GALNTL6: variants seen among roughly 807,000 people sequenced by gnomAD.
GALNTL6 encodes polypeptide N-acetylgalactosaminyltransferase like 6, also known as polypeptide N-acetylgalactosaminyltransferase-like 6.
Under a neutral mutation model 73.7 loss-of-function variants are expected in GALNTL6, and 46 were observed. The observed-to-expected ratio is 0.62, with a 90% CI of 0.49 to 0.80. GALNTL6 has a LOEUF of 0.80. Among genes scored for constraint, GALNTL6 ranks in the 30% least tolerant of loss-of-function variants. The pLI is 0.00. For missense variants in GALNTL6, 604 were observed against 755.0 expected (o/e 0.80, Z 2.34); for synonymous variants, 259 against 263.7 (o/e 0.98, Z 0.17).
intron 10 of GALNTL6, among the ~76,000 whole-genome samples, chr4:172,988,038 T>A (rs1423245563): frequency 3.3e-5 from 5 of 152,150 alleles, no homozygotes; most frequent in Non-Finnish European, 7.4e-5. Context: ...TAAAGATACC[T>A]GAAAATGTGG....
At chr4:172,753,204 T>C (rs1021643737) in intron 5 of GALNTL6, among the ~76,000 whole-genome samples, 1 of 152,122 alleles carries the variant, frequency 6.6e-6, no homozygotes, top group African/African-American at 2.4e-5. Context: ...AGGCAAAAGC[T>C]CTCTTGCCTG....
In GALNTL6 at chr4:173,040,059, A is replaced by G. The variant is rs2126549111; in HGVS notation, c.1765A>G (p.Met589Val). 1.2e-6 allele frequency: 2 copies of G among 1,613,386 alleles called. No individual in the cohort carries two copies. Among genetic ancestry groups the G allele is most frequent in the African/African-American group, 1.3e-5 (1 of 75,000 alleles). ...GCAGTGGATTTTTGAACACATTAAT[A>G]TGACTGTTTTAGAAAAATTTAACCA... ...TQQWIFEHIN[M>V]TVLEKFNHHA... is the part of the protein sequence containing the mutation. Residue 589 changes from methionine (M) to valine (V), a missense_variant, in exon 13 of 13, where the codon ATG (methionine) becomes GTG (valine). Physicochemically the swap from Met to Val is conservative, Grantham distance 21. Transcript: ENST00000506823.
chr4:171,877,626 C>G (rs1316450343), intron 2 of GALNTL6, among the ~76,000 whole-genome samples: 1 of 150,156 alleles, frequency 6.7e-6, no homozygotes, highest in African/African-American at 2.4e-5. Context: ...ATGTATCACT[C>G]AAGTGAAAAA....
At chr4:172,094,511 A>G (rs1304109561) in intron 2 of GALNTL6, among the ~76,000 whole-genome samples, 1 of 152,120 alleles carries the variant, frequency 6.6e-6, no homozygotes, top group African/African-American at 2.4e-5. Flanking sequence ...GTACTTAGTG[A>G]TAACAGTCCT....
chr4:171,883,929 G>C (rs140298493), intron 2 of GALNTL6, among the ~76,000 whole-genome samples: 2,072 of 152,188 alleles, frequency 0.014, 43 homozygotes, highest in African/African-American at 0.047. Context: ...TTACAGGCGT[G>C]AGCCACCGCT....
chr4:173,041,170 T>G lies in GALNTL6; in HGVS notation c.*1070T>G, dbSNP rs1004412141. On this transcript the variant is annotated 3_prime_UTR_variant, in exon 13 of 13. Transcript: ENST00000506823. ...GAAGTGGTTTTATTTGTTCGTTTGT[T>G]TGGGTTTTGCTTTTGTTTTTTATTT... 1 of 151,808 alleles carries G rather than the reference T, an allele frequency of 6.6e-6. No homozygotes were observed. Among genetic ancestry groups the G allele is most frequent in the Non-Finnish European group, 1.5e-5 (1 of 67,964 alleles). The allele number at this position is 151,808 out of a possible 1,614,324, so 9.4% of individuals were successfully genotyped here.
chr4:172,346,576 T>C (rs1741747562), intron 4 of GALNTL6, among the ~76,000 whole-genome samples: 1 of 152,238 alleles, frequency 6.6e-6, no homozygotes, highest in Non-Finnish European at 1.5e-5. Context: ...AATAATCTTA[T>C]AGCACTCTAT....
chr4:172,683,395 A>G (rs17308958), intron 5 of GALNTL6, among the ~76,000 whole-genome samples: 5,388 of 152,314 alleles, frequency 0.035, 146 homozygotes, highest in Non-Finnish European at 0.059. Context: ...ACATTAAAAT[A>G]CTTTGGTCAC....
chr4:171,867,302 C>G (rs572558331), intron 2 of GALNTL6, among the ~76,000 whole-genome samples: 1 of 151,748 alleles, frequency 6.6e-6, no homozygotes, highest in Non-Finnish European at 1.5e-5. Context: ...ACAAAAGGGC[C>G]CTAAAGGTCA....
rs1464376918 is a variant in GALNTL6, at chr4:172,071,526, G to A, written c.139-158130G>A. 8.1e-5 allele frequency among the ~76,000 whole-genome samples: 9 copies of A among 110,630 alleles called. 4 individuals carry two copies. Among genetic ancestry groups the A allele is most frequent in the African/African-American group, 3.1e-4 (9 of 29,420 alleles). 72.6% of individuals were successfully genotyped at this position (110,630 alleles called of 152,430 possible). A position where few individuals can be genotyped will look rare whatever the true frequency, so the allele number is the denominator to read the frequency against. On this transcript the variant is annotated intron_variant, in intron 2 of 12. Transcript: ENST00000506823. ...CAAGTATGGCAAATTCCCTTCAGTTGTAAAACCCTTTTGGTGTTCTGCTTT... is the reference window on the plus strand; with the variant it reads ...CAAGTATGGCAAATTCCCTTCAGTTATAAAACCCTTTTGGTGTTCTGCTTT...
intron 2 of GALNTL6, among the ~76,000 whole-genome samples, chr4:171,829,823 A>G (rs580091): frequency 0.6 from 91,186 of 151,794 alleles, 29,343 homozygotes; most frequent in African/African-American, 0.84. Context: ...ATGCTCATGT[A>G]CTACTCCCTG....
intron 5 of GALNTL6, among the ~76,000 whole-genome samples, chr4:172,625,213 T>C (rs1211054453): frequency 1.3e-5 from 2 of 151,992 alleles, no homozygotes; most frequent in Non-Finnish European, 2.9e-5. Flanking sequence ...TTACTACCCT[T>C]GACCTCATTT....
intron 2 of GALNTL6, among the ~76,000 whole-genome samples, chr4:171,976,076 C>A (rs2111072274): frequency 6.6e-6 from 1 of 152,232 alleles, no homozygotes; most frequent in Admixed American, 6.5e-5. Context: ...GGGTGCGCCA[C>A]CATGCCCAGC....
intron 12 of GALNTL6, among the ~76,000 whole-genome samples, chr4:173,028,190 CAAG>C (rs1284571284): frequency 4.0e-5 from 6 of 151,724 alleles, no homozygotes; most frequent in Non-Finnish European, 8.8e-5. Context: ...ATGTAAGGGA[CAAG>C]AATAGCTAAG....
chr4:172,275,246 G>A (rs1738786880), intron 3 of GALNTL6, among the ~76,000 whole-genome samples: 1 of 152,196 alleles, frequency 6.6e-6, no homozygotes, highest in African/African-American at 2.4e-5. Flanking sequence ...TATATCAAAT[G>A]AAATCAGGTA....
At chr4:172,919,761 A>G (rs1232647220) in intron 8 of GALNTL6, among the ~76,000 whole-genome samples, 3 of 152,224 alleles carry the variant, frequency 2.0e-5, no homozygotes, top group Non-Finnish European at 4.4e-5. Context: ...CTGCAGAATA[A>G]TGAATTAAGG....
chr4:171,948,316 C>T (rs10021857), intron 2 of GALNTL6, among the ~76,000 whole-genome samples: 2,985 of 152,170 alleles, frequency 0.02, 101 homozygotes, highest in African/African-American at 0.068. Flanking sequence ...ATTTTATTAG[C>T]TCTGACAATA....
intron 2 of GALNTL6, among the ~76,000 whole-genome samples, chr4:172,098,580 A>G (rs1192477726): frequency 1.3e-5 from 2 of 152,184 alleles, no homozygotes; most frequent in Non-Finnish European, 2.9e-5. Flanking sequence ...AAACCACTAT[A>G]GAAGGAGAAT....
At chr4:172,602,172 G>T (rs115230691) in intron 5 of GALNTL6, among the ~76,000 whole-genome samples, 1 of 151,978 alleles carries the variant, frequency 6.6e-6, no homozygotes, top group Non-Finnish European at 1.5e-5. Flanking sequence ...GAAACAAAGA[G>T]TGTTCATCAC....
Sources: allele counts gnomAD v4.1 joint callset (sites outside exome capture counted in the v4.1 genomes callset), GRCh38; gene constraint gnomAD v4.1.1; transcripts MANE v1.5; gene names NCBI Gene and HGNC (gene_info 2026-07-23, HGNC 2026-07-21).